POLN: variants seen among roughly 807,000 people sequenced by gnomAD.
POLN encodes the protein DNA polymerase nu, also known as DNA polymerase N.
Under a neutral mutation model 113.5 loss-of-function variants are expected in POLN, and 108 were observed. The ratio of observed to expected loss-of-function variants is 0.95; its 90% CI spans 0.81 to 1.12. The LOEUF (loss-of-function observed/expected upper bound fraction) is 1.12, where lower values mean the gene tolerates loss of function less well. Among genes scored for constraint, POLN ranks in the 50% most tolerant of loss-of-function variants. The probability of loss-of-function intolerance (pLI) is 0.00; values close to 1 mark genes in which losing one functional copy is unlikely to be tolerated. For synonymous variants in POLN, 386 were observed against 391.5 expected, an observed-to-expected ratio of 0.99 and a Z score of 0.17; for missense variants, 1,097 against 1,077.1, an observed-to-expected ratio of 1.02 and a Z score of -0.26.
intron 3 of POLN, among the ~76,000 whole-genome samples, chr4:2,214,034 G>A (rs1000643697): frequency 3.9e-5 from 6 of 152,260 alleles, no homozygotes; most frequent in Non-Finnish European, 7.4e-5. Flanking sequence ...TCAGGAGCTC[G>A]AGACCAGCTT....
At chr4:2,094,792 C>T (rs540017110) in intron 20 of POLN, among the ~76,000 whole-genome samples, 23 of 152,238 alleles carry the variant, frequency 1.5e-4, no homozygotes, top group African/African-American at 4.8e-4. Flanking sequence ...GCTTGTTCAA[C>T]GGCACCACAT....
chr4:2,071,985 C>A lies in POLN; in HGVS notation c.*129G>T. 1 of 1,038,158 alleles carries A rather than the reference C, an allele frequency of 9.6e-7. No individual in the cohort carries two copies. The highest frequency in any genetic ancestry group is 1.5e-6 in the Non-Finnish European group (1 of 659,240). 64.3% of individuals were successfully genotyped at this position (1,038,158 alleles called of 1,614,324 possible). The stretch of plus-strand genomic sequence containing the variant: ...GAGGGCTTTGCACAGGCATTTACTC[C>A]AGGGGATGGCGGGCCACCCCAGCCC... On this transcript the variant is annotated 3_prime_UTR_variant, in exon 26 of 26. Coordinates refer to ENST00000511885, the MANE Select transcript of POLN (RefSeq NM_181808.4). This position sits in a 1 kb window ranked among gnomAD's most constrained non-coding sequence, Gnocchi z 5.2.
intron 19 of POLN, among the ~76,000 whole-genome samples, chr4:2,109,290 C>T (rs1229795824): frequency 6.6e-6 from 1 of 152,168 alleles, no homozygotes; most frequent in Non-Finnish European, 1.5e-5. Flanking sequence ...AAGCACCACA[C>T]AGGGTCTAGG....
chr4:2,170,870 CACACCCAAA>C, intron 12 of POLN, 96 bp from the exon 13 acceptor site: 1 of 1,118,196 alleles, frequency 8.9e-7, no homozygotes, highest in African/African-American at 1.5e-5. Flanking sequence ...CCAGAGAAGA[CACACCCAAA>C]CAGACATTAC....
At chr4:2,108,599 C>T (rs562939123) in intron 19 of POLN, among the ~76,000 whole-genome samples, 11 of 152,268 alleles carry the variant, frequency 7.2e-5, no homozygotes, top group South Asian at 2.1e-4. Context: ...AAATTAAACA[C>T]GCATTGCATC....
In POLN at chr4:2,174,717, T is replaced by C; in HGVS notation, c.1283A>G (p.Glu428Gly). The change falls in exon 10 of 26, where the codon GAG becomes GGG. Residue 428 changes from glutamate (E) to glycine (G), a missense_variant. Physicochemically the swap from Glu to Gly is moderately conservative, Grantham distance 98. Coordinates refer to ENST00000511885, the MANE Select transcript of POLN (RefSeq NM_181808.4). ...TGCCAAAATTGGTATCAGAGGAAGC[T>C]CCAAAGTACGAAATAGTTGCCATAA... ...YGLWQLFRTLELPLIPILAVM... is the reference protein window; with the variant it reads ...YGLWQLFRTLGLPLIPILAVM... The C allele has an allele frequency of 6.2e-7, 1 of 1,610,206 alleles. No individual in the cohort carries two copies. The highest frequency in any genetic ancestry group is 8.5e-7 in the Non-Finnish European group (1 of 1,176,768).
chr4:2,090,223 T>C, intron 20 of POLN: 2 of 812,042 alleles, frequency 2.5e-6, no homozygotes, highest in Non-Finnish European at 4.1e-6. Flanking sequence ...CTTCCCTCAT[T>C]CTTGTCCTTC....
intron 3 of POLN, 31 bp from the exon 4 acceptor site, chr4:2,213,157 G>T: frequency 2.1e-6 from 3 of 1,442,002 alleles, no homozygotes; most frequent in Non-Finnish European, 2.9e-6. Context: ...GAAACATGGG[G>T]CATTAAAGAA....
At chr4:2,131,752 C>G (rs1254163011) in intron 16 of POLN, among the ~76,000 whole-genome samples, 1 of 152,210 alleles carries the variant, frequency 6.6e-6, no homozygotes, top group African/African-American at 2.4e-5. Context: ...TCTGTCTTAG[C>G]CTGTCCTAAA....
intron 16 of POLN, among the ~76,000 whole-genome samples, chr4:2,148,914 G>T (rs1732220340): frequency 6.6e-6 from 1 of 152,096 alleles, no homozygotes; most frequent in Admixed American, 6.6e-5. Flanking sequence ...CATCTTCAAA[G>T]TATTGAGAAA....
At chr4:2,214,353 T>A (rs970522785) in intron 3 of POLN, among the ~76,000 whole-genome samples, 3 of 151,988 alleles carry the variant, frequency 2.0e-5, no homozygotes, top group Admixed American at 2.0e-4. Flanking sequence ...TTCAATTCAA[T>A]AGAAAAGGAT....
chr4:2,081,268 T>C (rs1730410546), intron 22 of POLN: 7 of 1,289,712 alleles, frequency 5.4e-6, no homozygotes, highest in Non-Finnish European at 7.5e-6. Flanking sequence ...CCTGGAGGCC[T>C]CACCCCTGCC....
intron 23 of POLN, 133 bp from the exon 24 acceptor site, chr4:2,075,652 T>TG: frequency 1.1e-6 from 1 of 874,434 alleles, no homozygotes; most frequent in Non-Finnish European, 1.8e-6. Context: ...CATGCAGAGG[T>TG]GGGGGCCCAT....
chr4:2,237,411 A>G (rs1373723563), intron 2 of POLN, among the ~76,000 whole-genome samples: 1 of 151,886 alleles, frequency 6.6e-6, no homozygotes, highest in Non-Finnish European at 1.5e-5. Context: ...ACTCCTACCT[A>G]GGCAAGAGAG....
chr4:2,113,859 AAATAAT>A (rs150255371), intron 19 of POLN, among the ~76,000 whole-genome samples: 7,260 of 139,956 alleles, frequency 0.052, 257 homozygotes, highest in Non-Finnish European at 0.058. Context: ...CTCCATTTCA[AAATAAT>A]AATAATAATA....
chr4:2,101,239 AATACAAACC>A (rs1194456428), intron 19 of POLN, among the ~76,000 whole-genome samples: 1 of 152,260 alleles, frequency 6.6e-6, no homozygotes, highest in Non-Finnish European at 1.5e-5. Flanking sequence ...AAACACAAAC[AATACAAACC>A]ATACTAAGAA....
At chr4:2,172,146 T>C (rs925279925) in intron 11 of POLN, among the ~76,000 whole-genome samples, 2 of 152,092 alleles carry the variant, frequency 1.3e-5, no homozygotes, top group African/African-American at 2.4e-5. Flanking sequence ...CATACAAAAA[T>C]GATATCACTC....
chr4:2,225,334 C>G (rs1734357485), intron 3 of POLN, among the ~76,000 whole-genome samples: 1 of 151,828 alleles, frequency 6.6e-6, no homozygotes, highest in Non-Finnish European at 1.5e-5. Flanking sequence ...GTGGGTGGAT[C>G]ACTTGAGGTC....
At chr4:2,207,800 C>A (rs970865001) in intron 5 of POLN, among the ~76,000 whole-genome samples, 187 bp downstream of exon 5, 11 of 152,178 alleles carry the variant, frequency 7.2e-5, no homozygotes, top group Admixed American at 3.9e-4. Flanking sequence ...GGTACACCCA[C>A]TCTGGAAAAC....
Sources: gnomAD v4.1 joint callset for allele counts (sites outside exome capture counted in the v4.1 genomes callset) on GRCh38, gnomAD v4.1.1 for gene constraint, Gnocchi (gnomAD v3.1) non-coding constraint, MANE v1.5 for transcripts, NCBI Gene and HGNC (gene_info 2026-07-23, HGNC 2026-07-21) for gene names.